TNXB: variants seen among roughly 807,000 people sequenced by gnomAD.
The protein encoded by TNXB is tenascin XB.
In TNXB, 183 loss-of-function variants were observed where a neutral mutation model predicts 340.5. The ratio of observed to expected loss-of-function variants is 0.54; its 90% CI spans 0.48 to 0.61. The LOEUF is 0.61. Ranked by LOEUF, TNXB falls within the 20% of genes least tolerant of loss-of-function variation. The pLI is 0.00. For missense variants in TNXB, 4,613 were observed against 5,446.4 expected, an observed-to-expected ratio of 0.85 and a Z score of 4.82; for synonymous variants, 2,121 against 2,314.5, an observed-to-expected ratio of 0.92 and a Z score of 2.40.
rs759376725 is a variant in TNXB, at chr6:32,090,422, AC to A, written c.2359-1044del. On this transcript the variant is annotated intron_variant, in intron 4 of 43. Transcript: ENST00000644971. This position sits in a 1 kb window ranked among gnomAD's most constrained non-coding sequence, Gnocchi z 4.3. ...GCCCACCACTGGGGAAACAGGAGGA[AC>A]TGTACATCTGTGAGCATTCTAACAG... 6.6e-6 allele frequency among the ~76,000 whole-genome samples: 1 copy of A among 152,180 alleles called. No individual in the cohort carries two copies. The highest frequency in any genetic ancestry group is 1.5e-5 in the Non-Finnish European group (1 of 68,026).
Position 32,058,093 on chromosome 6 carries a change from C to G in TNXB, c.7790G>C (p.Arg2597Pro), listed in dbSNP as rs2066982. 5.0e-6 allele frequency: 8 copies of G among 1,611,244 alleles called. No homozygotes were observed. The East Asian group carries it at 1.8e-4, about 36-fold the overall frequency. ...KMHLYGLHEG[R>P]RLGPVSAVGV... ...CACGGCAGACACCGGGCCCAGGCGC[C>G]GCCCCTCGTGGAGGCCGTACAGGTG... The change falls in exon 22 of 44, where the codon CGG becomes CCG. Residue 2597 changes from arginine to proline, a missense_variant. Arg to Pro is a moderately radical substitution (Grantham distance 103, BLOSUM62 -2). Around this residue, in one of 7 missense-constraint regions of TNXB, gnomAD observed 4,327 missense variants for 4,859.4 expected, o/e 0.89. Coordinates refer to ENST00000644971, the MANE Select transcript of TNXB (RefSeq NM_001365276.2). The surrounding 1 kb of genome is among the most constrained non-coding windows in gnomAD (Gnocchi z 5.1).
Position 32,061,848 on chromosome 6 carries a change from G to A in TNXB, c.7169-128C>T. On this transcript the variant is annotated intron_variant, in intron 20 of 43. Coordinates refer to ENST00000644971, the MANE Select transcript of TNXB (RefSeq NM_001365276.2). This position sits in a 1 kb window ranked among gnomAD's most constrained non-coding sequence, Gnocchi z 4.4. ...AGCCAAGGCTATGACTAGGGGACCTGAGGTCAGTTCAGAGAGGCCCATTCT... is the reference window on the plus strand; with the variant it reads ...AGCCAAGGCTATGACTAGGGGACCTAAGGTCAGTTCAGAGAGGCCCATTCT... The A allele has an allele frequency of 7.5e-7, 1 of 1,329,236 alleles. No homozygotes were observed. The highest frequency in any genetic ancestry group is 1.0e-6 in the Non-Finnish European group (1 of 986,120). 82.3% of individuals were successfully genotyped at this position (1,329,236 alleles called of 1,614,324 possible).
At position 32,097,234 on chromosome 6, in the gene TNXB, C is replaced by T. The variant is rs139154852; in HGVS notation, c.619G>A (p.Gly207Ser). The part of the protein sequence containing the change: ...CVRGRCVCFP[G>S]YTGPSCGWPS... ...CAGCCACAGCTGGGGCCAGTGTAGC[C>T]GGGAAAGCACACGCAACGACCACGG... The change falls in exon 3 of 44, where the codon GGC (glycine) becomes AGC (serine). Residue 207 changes from glycine to serine, a missense_variant. Transcript: ENST00000644971. This position sits in a 1 kb window ranked among gnomAD's most constrained non-coding sequence, Gnocchi z 5.9. 219 of 1,604,970 alleles carry T rather than the reference C, an allele frequency of 1.4e-4. 2 individuals are homozygous for T. The highest frequency in any genetic ancestry group is 1.2e-3 in the African/African-American group (89 of 74,864).
At position 32,085,121 on chromosome 6, in the gene TNXB, C is replaced by T. The variant is rs34878747; in HGVS notation, c.3149-412G>A. ...CTGGAGCTGGGGGATGAGTCAGCCA[C>T]CCTGGTCCCACAGAGAGGAACAAAG... On this transcript the variant is annotated intron_variant, in intron 7 of 43. Coordinates refer to ENST00000644971, the MANE Select transcript of TNXB (RefSeq NM_001365276.2). The surrounding 1 kb of genome is among the most constrained non-coding windows in gnomAD (Gnocchi z 6.4). Among the ~76,000 whole-genome samples the T allele has an allele frequency of 0.08, 12,155 of 152,108 alleles. 669 individuals carry two copies. Among genetic ancestry groups the T allele is most frequent in the Middle Eastern group, 0.16 (46 of 294 alleles).
At position 32,051,094 on chromosome 6, in the gene TNXB, C is replaced by T. The variant is rs531565621; in HGVS notation, c.9116-773G>A. Among the ~76,000 whole-genome samples the T allele has an allele frequency of 6.6e-6, 1 of 152,372 alleles. No homozygotes were observed. The highest frequency in any genetic ancestry group is 1.9e-4 in the East Asian group (1 of 5,184). ...TCTCACACACCATGCTCTTTCTAGC[C>T]TCCTGGCCTTTGCACCACCTGTGCT... On this transcript the variant is annotated intron_variant, in intron 26 of 43. Transcript: ENST00000644971. This position sits in a 1 kb window ranked among gnomAD's most constrained non-coding sequence, Gnocchi z 4.7.
chr6:32,041,507 G>C (rs451652), intron 43 of TNXB, 57 bp from the exon 44 acceptor site: 4 of 1,219,340 alleles, frequency 3.3e-6, no homozygotes, highest in Non-Finnish European at 4.7e-6. Flanking sequence ...TGCTCTTCCC[G>C]TTCCCCTTAA....
At chr6:32,071,924 G>C in intron 13 of TNXB, 66 bp downstream of exon 13, 1 of 1,381,046 alleles carries the variant, frequency 7.2e-7, no homozygotes, top group Non-Finnish European at 9.9e-7. Flanking sequence ...AGACTCAGCA[G>C]AGGGAGTGAA....
chr6:32,066,077 A>G (rs1778320641), intron 18 of TNXB, among the ~76,000 whole-genome samples: 1 of 152,174 alleles, frequency 6.6e-6, no homozygotes, highest in Non-Finnish European at 1.5e-5. Flanking sequence ...ACAATGCAAT[A>G]CTGTTTGGCA....
In TNXB at chr6:32,068,944, A is replaced by G. The variant is rs751320202; in HGVS notation, c.5780T>C (p.Ile1927Thr). 153 of 1,612,754 alleles carry G rather than the reference A, an allele frequency of 9.5e-5. No individual in the cohort carries two copies. The highest frequency in any genetic ancestry group is 1.2e-4 in the Non-Finnish European group (144 of 1,179,876). Residue 1927 changes from isoleucine to threonine, a missense_variant, in exon 16 of 44, where the codon ATA (isoleucine) becomes ACA (threonine). This residue lies in a region of TNXB where 4,327 missense variants were observed against 4,859.4 expected (regional missense o/e 0.89). Coordinates refer to ENST00000644971, the MANE Select transcript of TNXB (RefSeq NM_001365276.2). This position sits in a 1 kb window ranked among gnomAD's most constrained non-coding sequence, Gnocchi z 5.3. ...GGTGATGTCATTCCGGTCACCTCCT[A>G]TGCGGACCATTTGGAGTTGCCCGTC... is the stretch of plus-strand genomic sequence containing the variant. The part of the protein sequence containing the change: ...DRDGQLQMVR[I>T]GGDRNDITLS...
In TNXB at chr6:32,064,315, C is replaced by T. The variant is rs552937706; in HGVS notation, c.6841+506G>A. ...GCAACCTCCGCCTCCTGGGTTCAAG[C>T]GATTCTCCCGCCTTAGCCTCCCGAG... On this transcript the variant is annotated intron_variant, in intron 19 of 43. Coordinates refer to ENST00000644971, the MANE Select transcript of TNXB (RefSeq NM_001365276.2). This position sits in a 1 kb window ranked among gnomAD's most constrained non-coding sequence, Gnocchi z 5.3. Among the ~76,000 whole-genome samples the T allele has an allele frequency of 4.5e-4, 68 of 152,126 alleles. 3 individuals carry two copies. The highest frequency in any genetic ancestry group is 3.2e-4 in the Non-Finnish European group (22 of 68,034).
At position 32,095,596 on chromosome 6, in the gene TNXB, A is replaced by G. The variant is rs1157509159; in HGVS notation, c.2242+15T>C. 2 of 1,602,616 alleles carry G rather than the reference A, an allele frequency of 1.2e-6. No homozygotes were observed. The highest frequency in any genetic ancestry group is 1.7e-6 in the Non-Finnish European group (2 of 1,172,486). On this transcript the variant is annotated intron_variant, in intron 3 of 43. Transcript: ENST00000644971. Reference sequence around the variant, plus strand: ...TCACAGTCCCAGAGTACACTGGGGAAGGCTGCCTGCTCACCTTCTCCGCAG... The same window carrying G: ...TCACAGTCCCAGAGTACACTGGGGAGGGCTGCCTGCTCACCTTCTCCGCAG...
In TNXB at chr6:32,089,180, G is replaced by T. The variant is rs3134961; in HGVS notation, c.2515+43C>A. 2 of 1,571,988 alleles carry T rather than the reference G, an allele frequency of 1.3e-6. No homozygotes were observed. The highest frequency in any genetic ancestry group is 8.6e-7 in the Non-Finnish European group (1 of 1,158,012). ...GAGGGCAGATTCCCTCTCTAGTCCA[G>T]ATCTCCACTCAGGACACCCCTCCCC... On this transcript the variant is annotated intron_variant, in intron 5 of 43. Transcript: ENST00000644971. The surrounding 1 kb of genome is among the most constrained non-coding windows in gnomAD (Gnocchi z 6.2).
Position 32,086,046 on chromosome 6 carries a change from G to A in TNXB, c.2852C>T (p.Ala951Val), listed in dbSNP as rs560124416. 45 of 1,600,466 alleles carry A rather than the reference G, an allele frequency of 2.8e-5. No homozygotes were observed. In the Admixed American group the frequency reaches 3.4e-4, roughly 12 times the overall value. Residue 951 changes from alanine (A) to valine (V), a missense_variant, in exon 7 of 44, where the codon GCC (alanine) becomes GTC (valine). Transcript: ENST00000644971. ...PPSGPSTTQG[A>V]QAPLLQQRPQ... is the part of the protein sequence containing the mutation. The stretch of plus-strand genomic sequence containing the variant: ...GCGCTGCTGCAGGAGAGGAGCCTGG[G>A]CCCCTTGCGTCGTCGAGGGGCCTGA...
Position 32,085,601 on chromosome 6 carries a change from C to A in TNXB, c.3148+149G>T. The A allele has an allele frequency of 3.3e-6, 3 of 910,760 alleles. No individual in the cohort carries two copies. Among genetic ancestry groups the A allele is most frequent in the Non-Finnish European group, 4.5e-6 (3 of 662,786 alleles). 56.4% of individuals were successfully genotyped at this position (910,760 alleles called of 1,614,324 possible). A position where few individuals can be genotyped will look rare whatever the true frequency, so the allele number is the denominator to read the frequency against. On this transcript the variant is annotated intron_variant, in intron 7 of 43. Coordinates refer to ENST00000644971, the MANE Select transcript of TNXB (RefSeq NM_001365276.2). The surrounding 1 kb of genome is among the most constrained non-coding windows in gnomAD (Gnocchi z 6.4). ...CATCTTCCTGCTGAACCTGCAATTC[C>A]TTTTCTCTCCTTTTCTCCTCTATCC...
At position 32,097,070 on chromosome 6, in the gene TNXB, AC is replaced by A. The variant is rs778877980; in HGVS notation, c.782del (p.Gly261ValfsTer17). ...AGCCTGGGTCACACACGCAGCGCCC[AC>A]CCTCACAGCGTCCCCTCTGGCTGCA... ...RGCSQRGRCE[G>X]GRCVCDPGYT... is the part of the protein sequence containing the mutation. On this transcript the variant is annotated frameshift_variant, in exon 3 of 44. Coordinates refer to ENST00000644971, the MANE Select transcript of TNXB (RefSeq NM_001365276.2). LOFTEE classifies it high-confidence loss of function. This position sits in a 1 kb window ranked among gnomAD's most constrained non-coding sequence, Gnocchi z 5.9. The A allele has an allele frequency of 2.5e-6, 4 of 1,610,618 alleles. No homozygotes were observed. Among genetic ancestry groups the A allele is most frequent in the Non-Finnish European group, 3.4e-6 (4 of 1,178,890 alleles).
Position 32,084,277 on chromosome 6 carries a change from A to T in TNXB, c.3445+136T>A. 1.2e-6 allele frequency: 1 copy of T among 850,950 alleles called. No homozygotes were observed. Among genetic ancestry groups the T allele is most frequent in the South Asian group, 2.4e-5 (1 of 41,058 alleles). 52.7% of individuals were successfully genotyped at this position (850,950 alleles called of 1,614,324 possible). A position where few individuals can be genotyped will look rare whatever the true frequency, so the allele number is the denominator to read the frequency against. The stretch of plus-strand genomic sequence containing the variant: ...CAAACTCTTTGCCTGCCCCACCACT[A>T]CTTTCCCTTCAGAATTCAGCTCATG... On this transcript the variant is annotated intron_variant, in intron 8 of 43. Transcript: ENST00000644971. The surrounding 1 kb of genome is among the most constrained non-coding windows in gnomAD (Gnocchi z 5.5).
chr6:32,081,998 G>A lies in TNXB; in HGVS notation c.3736+38C>T. 1.9e-6 allele frequency: 3 copies of A among 1,570,954 alleles called. No homozygotes were observed. Among genetic ancestry groups the A allele is most frequent in the Non-Finnish European group, 2.6e-6 (3 of 1,157,774 alleles). ...TGAAGGGAAGTGTGCATGGGGCTGAGAAGGGGTCACATGGGGGCTGAGGTG... is the reference window on the plus strand; with the variant it reads ...TGAAGGGAAGTGTGCATGGGGCTGAAAAGGGGTCACATGGGGGCTGAGGTG... On this transcript the variant is annotated intron_variant, in intron 9 of 43. Coordinates refer to ENST00000644971, the MANE Select transcript of TNXB (RefSeq NM_001365276.2). The surrounding 1 kb of genome is among the most constrained non-coding windows in gnomAD (Gnocchi z 5.1).
rs1457618703 is a variant in TNXB, at chr6:32,097,358, G to A, written c.495C>T (p.Pro165=). 5.6e-6 allele frequency: 9 copies of A among 1,612,992 alleles called. No individual in the cohort carries two copies. The highest frequency in any genetic ancestry group is 6.8e-6 in the Non-Finnish European group (8 of 1,179,876). ...CAGCATCTGTGGGGTCTGAGCAGGTGGGCCCACCCCAGCCTGGCTCACAGG... is the reference window on the plus strand; with the variant it reads ...CAGCATCTGTGGGGTCTGAGCAGGTAGGCCCACCCCAGCCTGGCTCACAGG... ...TCSCEPGWGG[P]TCSDPTDAEI... Residue 165 remains proline, a synonymous_variant, in exon 3 of 44, where the codon CCC becomes CCT. Transcript: ENST00000644971. The surrounding 1 kb of genome is among the most constrained non-coding windows in gnomAD (Gnocchi z 5.9).
chr6:32,096,255 C>A lies in TNXB; in HGVS notation c.1598G>T (p.Arg533Leu), dbSNP rs760964583. ...CGSRRCPGDCRGHGLCEDGVC... is the reference protein window; with the variant it reads ...CGSRRCPGDCLGHGLCEDGVC... Reference sequence around the variant, plus strand: ...GCCATCCTCGCAAAGGCCGTGCCCACGGCAGTCCCCGGGACAGCGACGGCT... The same window carrying A: ...GCCATCCTCGCAAAGGCCGTGCCCAAGGCAGTCCCCGGGACAGCGACGGCT... The change falls in exon 3 of 44, where the codon CGT becomes CTT. Residue 533 changes from arginine to leucine, a missense_variant. Arg to Leu is a moderately radical substitution (Grantham distance 102). This residue lies in a region of TNXB where 4,327 missense variants were observed against 4,859.4 expected (regional missense o/e 0.89). Transcript: ENST00000644971. The A allele has an allele frequency of 9.6e-6, 15 of 1,564,958 alleles. No homozygotes were observed. The highest frequency in any genetic ancestry group is 1.3e-5 in the Non-Finnish European group (15 of 1,159,192).
Sources: gnomAD v4.1 joint callset for allele counts (sites outside exome capture counted in the v4.1 genomes callset) on GRCh38, gnomAD v4.1.1 for gene constraint, gnomAD v4.1.1 regional missense constraint, Gnocchi (gnomAD v3.1) non-coding constraint, MANE v1.5 for transcripts, NCBI Gene and HGNC (gene_info 2026-07-23, HGNC 2026-07-21) for gene names.